Variants in STRN3 observed in about 807,000 individuals in gnomAD.
The protein encoded by STRN3 is striatin-3.
A neutral mutation model predicts 95.6 loss-of-function variants in STRN3; 29 were observed. That is an observed-to-expected ratio of 0.30 (90% CI 0.23 to 0.41). The LOEUF is 0.41. Ranked by LOEUF, STRN3 falls within the 10% of genes least tolerant of loss-of-function variation. STRN3 has a pLI of 1.00. For synonymous variants in STRN3, 331 were observed against 357.6 expected (o/e 0.93, Z 0.84); for missense variants, 890 against 972.1 (o/e 0.92, Z 1.12).
At chr14:30,954,274 A>C (rs1185011660) in intron 3 of STRN3, among the ~76,000 whole-genome samples, 3 of 152,156 alleles carry the variant, frequency 2.0e-5, no homozygotes, top group Non-Finnish European at 4.4e-5. Flanking sequence ...GAACTCTTTT[A>C]TATTTTAATA....
intron 13 of STRN3, among the ~76,000 whole-genome samples, 193 bp from the exon 14 acceptor site, chr14:30,907,237 AC>A (rs1165750451): frequency 2.0e-5 from 3 of 151,990 alleles, no homozygotes; most frequent in African/African-American, 4.8e-5. Flanking sequence ...CCTCCCATCA[AC>A]ATTTTTCTGT....
intron 1 of STRN3, among the ~76,000 whole-genome samples, chr14:31,002,166 C>CAAAAA (rs757001835): frequency 3.6e-4 from 7 of 19,282 alleles, no homozygotes; most frequent in South Asian, 3.8e-3. Flanking sequence ...AATTCCATCT[C>CAAAAA]AAAAAAAAAA....
At chr14:31,006,968 A>C (rs1882747510) in intron 1 of STRN3, among the ~76,000 whole-genome samples, 2 of 152,208 alleles carry the variant, frequency 1.3e-5, no homozygotes, top group Non-Finnish European at 2.9e-5. Flanking sequence ...AGCCTGGGCA[A>C]CAGAGTGAGA....
At chr14:30,909,483 G>A (rs1272299369) in intron 13 of STRN3, among the ~76,000 whole-genome samples, 1 of 124,448 alleles carries the variant, frequency 8.0e-6, no homozygotes, top group African/African-American at 3.0e-5. Context: ...AAAAAAGAAA[G>A]AGAGAGAGAG....
At chr14:31,025,763 G>A in intron 1 of STRN3, 141 bp downstream of exon 1, 13 of 1,159,942 alleles carry the variant, frequency 1.1e-5, no homozygotes, top group Non-Finnish European at 1.5e-5. Flanking sequence ...CCGTTGAGAG[G>A]ACCATCACAA....
chr14:30,939,194 C>T (rs61976774), intron 5 of STRN3, among the ~76,000 whole-genome samples: 3,826 of 152,246 alleles, frequency 0.025, 88 homozygotes, highest in Middle Eastern at 0.054. Flanking sequence ...GTAAGCATGA[C>T]TTCCCAGAAG....
At chr14:30,948,446 C>T (rs909912424) in intron 4 of STRN3, among the ~76,000 whole-genome samples, 1 of 151,564 alleles carries the variant, frequency 6.6e-6, no homozygotes, top group African/African-American at 2.4e-5. Flanking sequence ...ATACAAACAA[C>T]CAAAGGACTA....
intron 1 of STRN3, among the ~76,000 whole-genome samples, chr14:30,985,983 TTC>T (rs375816763): frequency 3.3e-5 from 5 of 151,434 alleles, no homozygotes; most frequent in Admixed American, 6.6e-5. Flanking sequence ...TGCATGCGCT[TTC>T]TCTCTCTCTC....
chr14:30,929,076 A>G (rs1878341974), intron 8 of STRN3, 125 bp downstream of exon 8: 1 of 652,512 alleles, frequency 1.5e-6, no homozygotes, highest in African/African-American at 1.9e-5. Context: ...TACAACAGAC[A>G]AAGTTTAAAG....
intron 1 of STRN3, among the ~76,000 whole-genome samples, chr14:30,985,082 C>T (rs1212724693): frequency 1.3e-5 from 2 of 151,446 alleles, no homozygotes; most frequent in African/African-American, 2.4e-5. Flanking sequence ...TTTGGGAGGC[C>T]GAGGTAGGTG....
At chr14:30,908,838 C>T (rs534842623) in intron 13 of STRN3, among the ~76,000 whole-genome samples, 239 of 152,310 alleles carry the variant, frequency 1.6e-3, no homozygotes, top group African/African-American at 5.1e-3. Flanking sequence ...CAGTATTGCC[C>T]ATTCTTATAG....
At chr14:30,906,389 C>T (rs1366807926) in intron 14 of STRN3, among the ~76,000 whole-genome samples, 1 of 152,062 alleles carries the variant, frequency 6.6e-6, no homozygotes, top group African/African-American at 2.4e-5. Flanking sequence ...AAAAGGTAAA[C>T]TGGTTAAAGC....
At chr14:30,945,762 G>C (rs546457158) in intron 5 of STRN3, among the ~76,000 whole-genome samples, 80 of 152,334 alleles carry the variant, frequency 5.3e-4, no homozygotes, top group African/African-American at 1.9e-3. Context: ...GCCACTTACA[G>C]AAGACTGCTT....
chr14:30,928,587 C>T (rs1453156010), intron 8 of STRN3, among the ~76,000 whole-genome samples: 2 of 152,122 alleles, frequency 1.3e-5, no homozygotes, highest in South Asian at 2.1e-4. Flanking sequence ...GATTAATATA[C>T]AACATAGTGA....
chr14:30,899,030 CA>C, intron 16 of STRN3, among the ~76,000 whole-genome samples: 1 of 152,284 alleles, frequency 6.6e-6, no homozygotes, highest in South Asian at 2.1e-4. Flanking sequence ...ATTAGAAAAG[CA>C]AATGAGTTAG....
At chr14:30,957,604 A>G (rs1263709467) in intron 1 of STRN3, among the ~76,000 whole-genome samples, 3 of 152,098 alleles carry the variant, frequency 2.0e-5, no homozygotes, top group Admixed American at 2.0e-4. Flanking sequence ...CCATTACCTC[A>G]TTGCTTTCTA....
intron 1 of STRN3, among the ~76,000 whole-genome samples, chr14:31,000,318 T>C (rs1594564443): frequency 6.6e-6 from 1 of 152,038 alleles, no homozygotes; most frequent in African/African-American, 2.4e-5. Context: ...TAATTAGACA[T>C]CTGTGTTGAT....
chr14:31,020,622 G>T (rs556813481), intron 1 of STRN3, among the ~76,000 whole-genome samples: 1 of 152,036 alleles, frequency 6.6e-6, no homozygotes, highest in African/African-American at 2.4e-5. Context: ...CATTTTATTG[G>T]CCAGGCATGA....
chr14:30,985,176 C>T (rs1371490397), intron 1 of STRN3, among the ~76,000 whole-genome samples: 2 of 150,074 alleles, frequency 1.3e-5, no homozygotes, highest in South Asian at 2.1e-4. Context: ...AAATTACAGC[C>T]GGGTGCCTGT....
Sources: allele counts gnomAD v4.1 joint callset (sites outside exome capture counted in the v4.1 genomes callset), GRCh38; gene constraint gnomAD v4.1.1; transcripts MANE v1.5; gene names NCBI Gene and HGNC (gene_info 2026-07-23, HGNC 2026-07-21).